MTFR1: variants seen among roughly 807,000 people sequenced by gnomAD.
The protein encoded by MTFR1 is mitochondrial fission regulator 1.
A neutral mutation model predicts 38.8 loss-of-function variants in MTFR1; 28 were observed. The observed-to-expected ratio is 0.72, with a 90% CI of 0.53 to 0.99. The LOEUF is 0.99. Among genes scored for constraint, MTFR1 ranks in the 50% least tolerant of loss-of-function variants. The pLI is 0.00. For missense variants in MTFR1, 358 were observed against 395.5 expected (o/e 0.91, Z 0.81); for synonymous variants, 145 against 137.0 (o/e 1.06, Z -0.41).
chr8:65,707,286 C>T, intron 6 of MTFR1, 30 bp downstream of exon 6: 1 of 1,594,102 alleles, frequency 6.3e-7, no homozygotes, highest in East Asian at 2.2e-5. Flanking sequence ...CTTTCTTCCC[C>T]ATTTGTTTGT....
At chr8:65,688,722 G>A (rs947720989) in intron 3 of MTFR1, among the ~76,000 whole-genome samples, 2 of 151,688 alleles carry the variant, frequency 1.3e-5, no homozygotes, top group African/African-American at 4.8e-5. Flanking sequence ...TGGGATTACA[G>A]GCGTAAGCCA....
intron 3 of MTFR1, chr8:65,739,605 G>A: frequency 1.3e-6 from 2 of 1,507,026 alleles, no homozygotes; most frequent in East Asian, 2.5e-5. Flanking sequence ...TTCCTAAAAA[G>A]AAAGAAGAGA....
chr8:65,727,826 C>G (rs1413983755), intron 3 of MTFR1: 1 of 152,242 alleles, frequency 6.6e-6, no homozygotes, highest in East Asian at 1.9e-4. Flanking sequence ...TATGTCAAGT[C>G]TGTGATAAAA....
At chr8:65,749,145 C>CA (rs1807817664) in intron 3 of MTFR1, among the ~76,000 whole-genome samples, 1 of 152,178 alleles carries the variant, frequency 6.6e-6, no homozygotes, top group South Asian at 2.1e-4. Flanking sequence ...GCTCCCTGTG[C>CA]ATTCATCTAT....
rs869166561 is a variant in MTFR1 at position 65,649,186 on chromosome 8, C to CT, written c.-81+4413dup. Among the ~76,000 whole-genome samples, 455 of 146,162 alleles carry CT rather than the reference C, an allele frequency of 3.1e-3. 1 individual carries two copies. Among genetic ancestry groups the CT allele is most frequent in the African/African-American group, 0.01 (406 of 40,104 alleles). ...GGAAATACTGTATCATTTTATATTT[C>CT]TTTTTTTTTTTGAGATGGAGTTTTG... On this transcript the variant is annotated intron_variant, in intron 1 of 7. Transcript: ENST00000262146.
chr8:65,674,549 T>C (rs1366762247), intron 2 of MTFR1, among the ~76,000 whole-genome samples: 1 of 152,102 alleles, frequency 6.6e-6, no homozygotes, highest in Admixed American at 6.6e-5. Flanking sequence ...GAGGCAGAGA[T>C]TGCAGTCAAC....
At chr8:65,669,624 T>C (rs1307263840) in intron 1 of MTFR1, among the ~76,000 whole-genome samples, 1 of 151,852 alleles carries the variant, frequency 6.6e-6, no homozygotes. Context: ...CGATCTTGGC[T>C]CACCGCAACC....
chr8:65,651,341 C>A (rs1809117567), intron 1 of MTFR1, among the ~76,000 whole-genome samples: 1 of 152,148 alleles, frequency 6.6e-6, no homozygotes, highest in South Asian at 2.1e-4. Context: ...TTGCCTAATA[C>A]CCCATGTGGG....
intron 1 of MTFR1, among the ~76,000 whole-genome samples, chr8:65,651,091 T>G (rs373935101): frequency 4.6e-5 from 7 of 152,252 alleles, no homozygotes; most frequent in African/African-American, 1.4e-4. Context: ...TTTGTAAGTC[T>G]TCTTTTGAGA....
intron 3 of MTFR1, among the ~76,000 whole-genome samples, chr8:65,686,579 CA>C (rs757100773): frequency 0.26 from 16,118 of 62,552 alleles, 574 homozygotes; most frequent in Non-Finnish European, 0.29. Context: ...GACTCCGTCT[CA>C]AAAAAAAAAA....
Position 65,709,326 on chromosome 8 carries a change from C to A in MTFR1, c.*282C>A. Reference sequence around the variant, plus strand: ...GTTTTGAAAACAATTGTATAGATTTCACAACACAAAAAGGACATTTGTGGA... The same window carrying A: ...GTTTTGAAAACAATTGTATAGATTTAACAACACAAAAAGGACATTTGTGGA... On this transcript the variant is annotated 3_prime_UTR_variant, in exon 8 of 8. Coordinates refer to ENST00000262146, the MANE Select transcript of MTFR1 (RefSeq NM_014637.4). 1 of 325,576 alleles carries A rather than the reference C, an allele frequency of 3.1e-6. No individual in the cohort carries two copies. The allele number at this position is 325,576 out of a possible 1,614,324, so 20.2% of individuals were successfully genotyped here. A position where few individuals can be genotyped will look rare whatever the true frequency, so the allele number is the denominator to read the frequency against.
intron 3 of MTFR1, among the ~76,000 whole-genome samples, chr8:65,736,819 A>G (rs1807158302): frequency 7.3e-6 from 1 of 137,648 alleles, no homozygotes; most frequent in Admixed American, 7.6e-5. Flanking sequence ...CCAGAGTTCT[A>G]AGTAGAAGTC....
intron 1 of MTFR1, among the ~76,000 whole-genome samples, chr8:65,655,917 G>T (rs886430253): frequency 2.5e-5 from 2 of 79,146 alleles, no homozygotes; most frequent in African/African-American, 1.0e-4. Context: ...CCATTGCACT[G>T]GGTGACAGAG....
intron 3 of MTFR1, among the ~76,000 whole-genome samples, chr8:65,733,586 C>T (rs1585841043): frequency 6.6e-6 from 1 of 151,988 alleles, no homozygotes; most frequent in Non-Finnish European, 1.5e-5. Flanking sequence ...CGCCACTGCA[C>T]TCCAGCCTGG....
intron 3 of MTFR1, among the ~76,000 whole-genome samples, chr8:65,749,211 T>A (rs1227225134): frequency 6.6e-6 from 1 of 152,230 alleles, no homozygotes; most frequent in Non-Finnish European, 1.5e-5. Context: ...AATGATGACT[T>A]TCAGAACAGG....
rs1232069011 is a variant in MTFR1, at chr8:65,656,500, A to ATTT, written c.-81+11733_-81+11735dup. On this transcript the variant is annotated intron_variant, in intron 1 of 7. Transcript: ENST00000262146. ...AGGCATGTACCACCATGCCTGGCTA[A>ATTT]TTTTTTTTTTTTTTTTTTTGAGATG... Among the ~76,000 whole-genome samples the ATTT allele has an allele frequency of 2.3e-5, 3 of 129,764 alleles. No homozygotes were observed. The East Asian group carries it at 6.8e-4, about 30-fold the overall frequency. The allele number at this position is 129,764 out of a possible 152,430, so 85.1% of individuals were successfully genotyped here.
intron 4 of MTFR1, among the ~76,000 whole-genome samples, chr8:65,694,465 T>C (rs765042759): frequency 1.3e-5 from 2 of 152,202 alleles, no homozygotes; most frequent in Non-Finnish European, 2.9e-5. Flanking sequence ...TTTATAAAGT[T>C]TTTAGAGACA....
chr8:65,761,529 A>C (rs897129858), intron 3 of MTFR1, among the ~76,000 whole-genome samples: 3 of 152,202 alleles, frequency 2.0e-5, no homozygotes, highest in Non-Finnish European at 4.4e-5. Flanking sequence ...GGTTACCTAC[A>C]TTCCAATCCA....
At chr8:65,708,489 C>CT (rs796905904) in intron 7 of MTFR1, among the ~76,000 whole-genome samples, 94 of 152,236 alleles carry the variant, frequency 6.2e-4, no homozygotes, top group African/African-American at 2.2e-3. Flanking sequence ...TGATGTGGGC[C>CT]TTGGAGGATG....
Sources: gnomAD v4.1 joint callset for allele counts (sites outside exome capture counted in the v4.1 genomes callset) on GRCh38, gnomAD v4.1.1 for gene constraint, MANE v1.5 for transcripts, NCBI Gene and HGNC (gene_info 2026-07-23, HGNC 2026-07-21) for gene names.